KAT2B: variants seen among roughly 807,000 people sequenced by gnomAD.
The protein encoded by KAT2B is histone acetyltransferase KAT2B.
In KAT2B, 36 loss-of-function variants were observed where a neutral mutation model predicts 105.9. That is an observed-to-expected ratio of 0.34 (90% CI 0.26 to 0.45). The LOEUF (loss-of-function observed/expected upper bound fraction) is 0.45. Among genes scored for constraint, KAT2B ranks in the 20% least tolerant of loss-of-function variants. KAT2B has a pLI of 1.00. For synonymous variants in KAT2B, 397 were observed against 377.9 expected (o/e 1.05, Z -0.59); for missense variants, 820 against 1,021.6 (o/e 0.80, Z 2.69).
chr3:20,107,529 G>C (rs2125162850), intron 5 of KAT2B, among the ~76,000 whole-genome samples: 1 of 150,574 alleles, frequency 6.6e-6, no homozygotes, highest in African/African-American at 2.4e-5. Context: ...ATGGTGGCGG[G>C]CACCTGTAAT....
rs1230228258 is a variant in KAT2B at position 20,046,765 on chromosome 3, TTG to T, written c.303+5987_303+5988del. 2.0e-5 allele frequency among the ~76,000 whole-genome samples: 3 copies of T among 152,216 alleles called. No homozygotes were observed. In the East Asian group the frequency reaches 5.8e-4, roughly 29 times the overall value. ...GTCAGTCACTCCCCCAGAGAGCAAA[TTG>T]TCTTTTTCATTTGTCAGCATTTAGA... On this transcript the variant is annotated intron_variant, in intron 1 of 17. Transcript: ENST00000263754.
In KAT2B at chr3:20,136,939, C is replaced by T; in HGVS notation, c.1750-3C>T. The T allele has an allele frequency of 1.9e-6, 3 of 1,552,488 alleles. No homozygotes were observed. The highest frequency in any genetic ancestry group is 2.7e-6 in the Non-Finnish European group (3 of 1,126,018). ...ATTTGTTTGTATACTAACTTCCACA[C>T]AGGGCTATGGAACACACCTGATGAA... On this transcript the variant is annotated splice_polypyrimidine_tract_variant and splice_region_variant and intron_variant, in intron 11 of 17. Coordinates refer to ENST00000263754, the MANE Select transcript of KAT2B (RefSeq NM_003884.5).
intron 17 of KAT2B, 84 bp from the exon 18 acceptor site, chr3:20,152,248 C>A: frequency 1.1e-6 from 1 of 871,668 alleles, no homozygotes; most frequent in Non-Finnish European, 1.8e-6. Context: ...AAACCAACAA[C>A]ATAGATTCCT....
chr3:20,097,692 A>G (rs1300409816), intron 3 of KAT2B, among the ~76,000 whole-genome samples: 3 of 152,030 alleles, frequency 2.0e-5, no homozygotes, highest in Non-Finnish European at 2.9e-5. Context: ...GTGTGCCGCC[A>G]TGCCCGGCTA....
chr3:20,072,276 C>A, intron 1 of KAT2B, 57 bp from the exon 2 acceptor site: 3 of 1,568,000 alleles, frequency 1.9e-6, no homozygotes, highest in South Asian at 1.1e-5. Context: ...CATGTAAAAC[C>A]ATCAGTCCAC....
intron 2 of KAT2B, among the ~76,000 whole-genome samples, chr3:20,082,520 GTC>G (rs1377430602): frequency 1.3e-5 from 2 of 151,954 alleles, no homozygotes; most frequent in African/African-American, 2.4e-5. Flanking sequence ...TAGTTGTCAT[GTC>G]TCTTTAGTTT....
At chr3:20,133,490 T>C (rs1365863983) in intron 11 of KAT2B, among the ~76,000 whole-genome samples, 1 of 152,218 alleles carries the variant, frequency 6.6e-6, no homozygotes, top group Non-Finnish European at 1.5e-5. Flanking sequence ...TTTCTATTAA[T>C]GCTGATATAT....
chr3:20,136,024 C>T (rs1699593977), intron 11 of KAT2B, among the ~76,000 whole-genome samples: 2 of 152,146 alleles, frequency 1.3e-5, no homozygotes, highest in Non-Finnish European at 1.5e-5. Context: ...GGCAAAAGAC[C>T]TCTAGCCTCA....
intron 11 of KAT2B, among the ~76,000 whole-genome samples, chr3:20,128,105 G>A (rs758824446): frequency 6.6e-6 from 1 of 152,224 alleles, no homozygotes; most frequent in Non-Finnish European, 1.5e-5. Flanking sequence ...GTTGTACCAA[G>A]GCTTTGTTGG....
At chr3:20,140,453 T>G in intron 13 of KAT2B, 89 bp downstream of exon 13, 1 of 1,326,092 alleles carries the variant, frequency 7.5e-7, no homozygotes. Flanking sequence ...GTGTATGTGT[T>G]TACTGGATAG....
At chr3:20,078,175 G>C (rs1030370304) in intron 2 of KAT2B, among the ~76,000 whole-genome samples, 1 of 151,610 alleles carries the variant, frequency 6.6e-6, no homozygotes, top group Non-Finnish European at 1.5e-5. Flanking sequence ...GTGAGGCCCT[G>C]TCTCAAAAAT....
chr3:20,144,814 A>T (rs1207086670), intron 13 of KAT2B, among the ~76,000 whole-genome samples: 1 of 146,308 alleles, frequency 6.8e-6, no homozygotes, highest in Non-Finnish European at 1.5e-5. Flanking sequence ...TTTTTTTTTT[A>T]AGAGGAAGTC....
At chr3:20,124,113 C>T (rs6550355) in intron 9 of KAT2B, among the ~76,000 whole-genome samples, 124,504 of 152,160 alleles carry the variant, frequency 0.82, 51,573 homozygotes, top group East Asian at 0.97. Context: ...TCCATTTCCT[C>T]CTAGATGTCC....
At chr3:20,129,007 CAA>C (rs534566854) in intron 11 of KAT2B, among the ~76,000 whole-genome samples, 5 of 57,282 alleles carry the variant, frequency 8.7e-5, no homozygotes, top group Admixed American at 2.3e-4. Flanking sequence ...AACTCCATCT[CAA>C]AAAAAAAAAA....
chr3:20,087,818 A>G (rs966008190), intron 2 of KAT2B, among the ~76,000 whole-genome samples: 2 of 152,240 alleles, frequency 1.3e-5, no homozygotes, highest in South Asian at 4.1e-4. Flanking sequence ...TTTGTTGTCC[A>G]GGCCAGAATG....
chr3:20,118,340 G>A (rs1016008152), intron 7 of KAT2B, among the ~76,000 whole-genome samples: 10 of 147,688 alleles, frequency 6.8e-5, no homozygotes, highest in South Asian at 2.1e-4. Context: ...GTGTGTGTGT[G>A]TGTGTGTGTG....
At position 20,075,699 on chromosome 3, in the gene KAT2B, T is replaced by C. The variant is rs570327957; in HGVS notation, c.430+3240T>C. 1.0e-3 allele frequency among the ~76,000 whole-genome samples: 157 copies of C among 152,094 alleles called. 1 individual carries two copies. The highest frequency in any genetic ancestry group is 7.9e-4 in the Non-Finnish European group (54 of 68,008). ...GATGAAGGGATGCACATTGCAAGGT[T>C]TGGGGAAGGGGAGTGAAGCTTCCTT... On this transcript the variant is annotated intron_variant, in intron 2 of 17. Coordinates refer to ENST00000263754, the MANE Select transcript of KAT2B (RefSeq NM_003884.5).
At chr3:20,141,597 A>G (rs1472978347) in intron 13 of KAT2B, among the ~76,000 whole-genome samples, 1 of 152,086 alleles carries the variant, frequency 6.6e-6, no homozygotes, top group African/African-American at 2.4e-5. Context: ...TCTTATACCC[A>G]TCTTTGTTTT....
At chr3:20,108,812 C>A (rs1357729831) in intron 5 of KAT2B, among the ~76,000 whole-genome samples, 4 of 152,188 alleles carry the variant, frequency 2.6e-5, no homozygotes, top group African/African-American at 9.7e-5. Context: ...GCATTAGATT[C>A]TCATAGGAGC....
Sources: allele counts gnomAD v4.1 joint callset (sites outside exome capture counted in the v4.1 genomes callset), GRCh38; gene constraint gnomAD v4.1.1; transcripts MANE v1.5; gene names NCBI Gene and HGNC (gene_info 2026-07-23, HGNC 2026-07-21).